WWOX: variants seen among roughly 807,000 people sequenced by gnomAD.
WWOX encodes WW domain-containing oxidoreductase.
Under a neutral mutation model 46.2 loss-of-function variants are expected in WWOX, and 69 were observed. The observed-to-expected ratio is 1.49, with a 90% CI of 1.23 to 1.82. The LOEUF is 1.82. Among genes scored for constraint, WWOX ranks in the 40% most tolerant of loss-of-function variants. The probability of loss-of-function intolerance (pLI) is 0.00; values close to 1 mark genes in which losing one functional copy is unlikely to be tolerated. For missense variants in WWOX, 919 were observed against 542.6 expected, an observed-to-expected ratio of 1.69 and a Z score of -6.89; for synonymous variants, 359 against 202.6, an observed-to-expected ratio of 1.77 and a Z score of -6.56.
intron 5 of WWOX, among the ~76,000 whole-genome samples, chr16:78,321,749 G>T (rs375688716): frequency 6.6e-6 from 1 of 152,138 alleles, no homozygotes; most frequent in Admixed American, 6.5e-5. Context: ...GGTGCCTGGC[G>T]TCAGCACACA....
intron 8 of WWOX, among the ~76,000 whole-genome samples, chr16:78,945,861 A>G (rs944850367): frequency 3.3e-5 from 5 of 152,194 alleles, no homozygotes; most frequent in South Asian, 2.1e-4. Flanking sequence ...TAGTCACTGG[A>G]TAAGGAGCCA....
chr16:78,934,297 C>G (rs1013297966), intron 8 of WWOX, among the ~76,000 whole-genome samples: 4 of 143,556 alleles, frequency 2.8e-5, no homozygotes, highest in African/African-American at 1.1e-4. Flanking sequence ...GAGATCGCAC[C>G]ACTGCACTCT....
chr16:78,167,388 C>T (rs1014228308), intron 5 of WWOX: 1 of 152,096 alleles, frequency 6.6e-6, no homozygotes, highest in Non-Finnish European at 1.5e-5. Flanking sequence ...CCCTGTGAGT[C>T]AATTTCCGAT....
intron 8 of WWOX, among the ~76,000 whole-genome samples, chr16:79,120,176 G>A (rs1039620121): frequency 7.2e-5 from 11 of 152,230 alleles, no homozygotes; most frequent in African/African-American, 2.2e-4. Flanking sequence ...CATACGGCCT[G>A]TGAGGCCAGG....
intron 8 of WWOX, among the ~76,000 whole-genome samples, chr16:78,862,098 G>A (rs8063104): frequency 0.74 from 112,067 of 151,518 alleles, 41,546 homozygotes; most frequent in South Asian, 0.83. Context: ...GGGTGTGTCT[G>A]TATCTATACA....
intron 8 of WWOX, among the ~76,000 whole-genome samples, chr16:78,944,451 A>C (rs930478871): frequency 2.6e-5 from 4 of 152,202 alleles, no homozygotes; most frequent in Non-Finnish European, 5.9e-5. Flanking sequence ...CAAATATCAC[A>C]ATATGATACT....
intron 8 of WWOX, among the ~76,000 whole-genome samples, chr16:78,546,776 G>C (rs1169850026): frequency 6.6e-6 from 1 of 152,098 alleles, no homozygotes. Flanking sequence ...ATAAGTTACT[G>C]ACGTGTGTTA....
chr16:78,531,521 T>C (rs182214001), intron 8 of WWOX, among the ~76,000 whole-genome samples: 1 of 152,252 alleles, frequency 6.6e-6, no homozygotes, highest in African/African-American at 2.4e-5. Context: ...TTCTCTTACA[T>C]GTATGAAGTT....
intron 8 of WWOX, among the ~76,000 whole-genome samples, chr16:79,001,646 GA>G (rs1182919902): frequency 5.3e-4 from 79 of 148,014 alleles, no homozygotes; most frequent in South Asian, 4.7e-3. Context: ...TATTATGTGG[GA>G]AAAAAAAAAG....
intron 8 of WWOX, among the ~76,000 whole-genome samples, chr16:78,665,466 G>A (rs2047308870): frequency 6.6e-6 from 1 of 152,146 alleles, no homozygotes; most frequent in South Asian, 2.1e-4. Flanking sequence ...TTCCTGACAT[G>A]TGATTTGCTG....
intron 8 of WWOX, among the ~76,000 whole-genome samples, chr16:78,802,946 C>CAAACAAAAAAAA (rs2050934114): frequency 2.3e-5 from 1 of 43,512 alleles, no homozygotes; most frequent in Non-Finnish European, 4.3e-5. Flanking sequence ...AAAAAAACAA[C>CAAACAAAAAAAA]AAACAGAAAA....
At chr16:79,206,289 C>G (rs937842074) in intron 8 of WWOX, 2 of 152,196 alleles carry the variant, frequency 1.3e-5, no homozygotes, top group African/African-American at 4.8e-5. Context: ...CCGTGGAAGA[C>G]ATAGATGAGG....
At chr16:78,444,532 CTT>C (rs749332062) in intron 8 of WWOX, among the ~76,000 whole-genome samples, 30 of 136,652 alleles carry the variant, frequency 2.2e-4, no homozygotes, top group Admixed American at 2.2e-4. Context: ...AGGAGCAATT[CTT>C]TTTTTTTTTT....
chr16:79,000,594 C>T (rs1003436222), intron 8 of WWOX, among the ~76,000 whole-genome samples: 2 of 152,132 alleles, frequency 1.3e-5, no homozygotes, highest in African/African-American at 4.8e-5. Flanking sequence ...GTCTAGAAGC[C>T]AGAAGAGGCA....
chr16:78,964,269 T>G (rs1018720995), intron 8 of WWOX, among the ~76,000 whole-genome samples: 4 of 152,222 alleles, frequency 2.6e-5, no homozygotes, highest in Non-Finnish European at 5.9e-5. Flanking sequence ...TGGAGCTTCC[T>G]AGAGACTTGT....
intron 8 of WWOX, among the ~76,000 whole-genome samples, chr16:79,108,325 C>A (rs1332638698): frequency 6.6e-6 from 1 of 152,230 alleles, no homozygotes; most frequent in African/African-American, 2.4e-5. Context: ...ACCCAGAGCT[C>A]TTGTTTCTAA....
intron 8 of WWOX, among the ~76,000 whole-genome samples, chr16:79,128,380 AAAAAAC>A (rs1198002533): frequency 5.3e-5 from 8 of 151,160 alleles, no homozygotes; most frequent in African/African-American, 2.0e-4. Context: ...AACAAAAAAC[AAAAAAC>A]AAAAAAAAAA....
At chr16:78,190,499 G>A (rs1434395266) in intron 5 of WWOX, among the ~76,000 whole-genome samples, 1 of 152,190 alleles carries the variant, frequency 6.6e-6, no homozygotes, top group African/African-American at 2.4e-5. Flanking sequence ...GGCTATGCCT[G>A]CTGGGTACTG....
intron 5 of WWOX, among the ~76,000 whole-genome samples, chr16:78,332,550 C>G (rs762835381): frequency 6.6e-6 from 1 of 152,188 alleles, no homozygotes; most frequent in Non-Finnish European, 1.5e-5. Flanking sequence ...TGCTCAAGAA[C>G]AAACATCCAT....
Sources: allele counts gnomAD v4.1 joint callset (sites outside exome capture counted in the v4.1 genomes callset), GRCh38; gene constraint gnomAD v4.1.1; transcripts MANE v1.5; gene names NCBI Gene and HGNC (gene_info 2026-07-23, HGNC 2026-07-21).